The following CLCN6 variants were observed in gnomAD, a reference collection of about 807,000 sequenced individuals.
CLCN6 encodes H(+)/Cl(-) exchange transporter 6.
In CLCN6, 70 loss-of-function variants were observed where a neutral mutation model predicts 109.8. That is an observed-to-expected ratio of 0.64 (90% CI 0.53 to 0.78). The LOEUF is 0.78. Ranked by LOEUF, CLCN6 falls within the 30% of genes least tolerant of loss-of-function variation. CLCN6 has a pLI of 0.00. For synonymous variants in CLCN6, 444 were observed against 447.8 expected, an observed-to-expected ratio of 0.99 and a Z score of 0.11; for missense variants, 984 against 1,142.3, an observed-to-expected ratio of 0.86 and a Z score of 2.00.
intron 2 of CLCN6, among the ~76,000 whole-genome samples, chr1:11,813,178 A>G (rs1187201050): frequency 6.6e-6 from 1 of 152,174 alleles, no homozygotes; most frequent in Non-Finnish European, 1.5e-5. Context: ...TCCCCTGTGC[A>G]ATGCATGTTA....
intron 13 of CLCN6, 152 bp from the exon 14 acceptor site, chr1:11,833,363 G>A (rs1356486943): frequency 3.1e-5 from 20 of 642,946 alleles, no homozygotes; most frequent in Non-Finnish European, 4.7e-5. Context: ...ACACTTGCCC[G>A]TGTGGCTGCC....
At chr1:11,813,921 T>C (rs1406964575) in intron 2 of CLCN6, among the ~76,000 whole-genome samples, 1 of 152,224 alleles carries the variant, frequency 6.6e-6, no homozygotes, top group East Asian at 1.9e-4. Flanking sequence ...GCTGAATAAT[T>C]TTTGGAGATT....
Position 11,834,957 on chromosome 1 carries a change from A to T in CLCN6, c.1793+367A>T, listed in dbSNP as rs1448984924. 6.6e-6 allele frequency among the ~76,000 whole-genome samples: 1 copy of T among 152,204 alleles called. No individual in the cohort carries two copies. The highest frequency in any genetic ancestry group is 6.5e-5 in the Admixed American group (1 of 15,288). On this transcript the variant is annotated intron_variant, in intron 17 of 22. Coordinates refer to ENST00000346436, the MANE Select transcript of CLCN6 (RefSeq NM_001286.5). The surrounding 1 kb of genome is among the most constrained non-coding windows in gnomAD (Gnocchi z 4.5). ...GCCTGTTTCACATGTGCCCACCAGA[A>T]TGCCCTACTGCCAGCCGGGATTGTT...
intron 12 of CLCN6, 33 bp from the exon 13 acceptor site, chr1:11,829,163 G>A (rs767972300): frequency 6.2e-7 from 1 of 1,603,802 alleles, no homozygotes; most frequent in South Asian, 1.1e-5. Flanking sequence ...GCTTCTTTCT[G>A]TGGCGTTGTA....
At position 11,827,222 on chromosome 1, in the gene CLCN6, G is replaced by A. The variant is rs1233209409; in HGVS notation, c.840+1G>A. On this transcript the variant is annotated splice_donor_variant, in intron 10 of 22. Transcript: ENST00000346436. LOFTEE classifies it high-confidence loss of function. ...GAACCAAGGGCTCACGTGGAAAGTG[G>A]TGAGGAGGACCTTCAGTGAAAGCAT... 1.2e-6 allele frequency: 2 copies of A among 1,610,304 alleles called. No individual in the cohort carries two copies. The highest frequency in any genetic ancestry group is 1.7e-6 in the Non-Finnish European group (2 of 1,177,660).
At chr1:11,838,073 T>A (rs198408) in intron 20 of CLCN6, among the ~76,000 whole-genome samples, 64,896 of 152,002 alleles carry the variant, frequency 0.43, 14,488 homozygotes, top group African/African-American at 0.54. Context: ...TTAAACTTCC[T>A]AATAAGCCAT....
At chr1:11,829,726 G>A (rs376059189) in intron 13 of CLCN6, 101 of 100,444 alleles carry the variant, frequency 1.0e-3, no homozygotes, top group African/African-American at 1.5e-3. Context: ...ACCTGGGAAC[G>A]ACCCTGGCGT....
intron 13 of CLCN6, chr1:11,830,394 C>T (rs1394612595): frequency 1.3e-5 from 2 of 151,936 alleles, no homozygotes; most frequent in East Asian, 1.9e-4. Context: ...AAGAACAAGA[C>T]AACAGTAAAA....
intron 17 of CLCN6, among the ~76,000 whole-genome samples, chr1:11,835,307 C>T (rs918723711): frequency 2.6e-5 from 4 of 152,196 alleles, no homozygotes; most frequent in Non-Finnish European, 5.9e-5. Flanking sequence ...GGATCTCACT[C>T]TGTCGCCTAG....
chr1:11,834,068 G>A lies in CLCN6; in HGVS notation c.1526+38G>A. ...TGTGCGTGTGTGTGCGCATGTGCAT[G>A]TGTGTGCACGTGTGCGTGTGTATGC... On this transcript the variant is annotated intron_variant, in intron 15 of 22. Transcript: ENST00000346436. This position sits in a 1 kb window ranked among gnomAD's most constrained non-coding sequence, Gnocchi z 4.5. 1.2e-6 allele frequency: 2 copies of A among 1,605,070 alleles called. No homozygotes were observed. The highest frequency in any genetic ancestry group is 1.7e-6 in the Non-Finnish European group (2 of 1,175,108).
chr1:11,817,545 A>C (rs1644689350), intron 4 of CLCN6, among the ~76,000 whole-genome samples: 1 of 152,226 alleles, frequency 6.6e-6, no homozygotes. Context: ...AGGATAGCAA[A>C]AAGTCTGGAA....
intron 9 of CLCN6, 152 bp downstream of exon 9, chr1:11,826,366 TAAG>T: frequency 1.5e-6 from 1 of 656,158 alleles, no homozygotes; most frequent in South Asian, 1.9e-5. Context: ...CTTCTGGAAA[TAAG>T]AAGCCAAAGC....
chr1:11,830,582 C>A (rs952708874), intron 13 of CLCN6, among the ~76,000 whole-genome samples: 4 of 151,626 alleles, frequency 2.6e-5, no homozygotes, highest in African/African-American at 4.9e-5. Context: ...ATTTTGGTAT[C>A]CATCGGGATC....
intron 2 of CLCN6, among the ~76,000 whole-genome samples, chr1:11,807,560 TC>T (rs1323372769): frequency 6.6e-6 from 1 of 152,216 alleles, no homozygotes; most frequent in Non-Finnish European, 1.5e-5. Flanking sequence ...TTGCTTCTCT[TC>T]TAGGAGAGCT....
intron 11 of CLCN6, 80 bp downstream of exon 11, chr1:11,828,299 A>G (rs754280746): frequency 9.0e-6 from 13 of 1,451,426 alleles, no homozygotes; most frequent in Non-Finnish European, 1.3e-5. Context: ...GAGAGAAATG[A>G]GCAGAGGGCT....
intron 18 of CLCN6, among the ~76,000 whole-genome samples, chr1:11,836,495 A>G (rs1307860310): frequency 6.6e-6 from 1 of 152,180 alleles, no homozygotes; most frequent in East Asian, 1.9e-4. Context: ...AAGAGAAAGA[A>G]ATCCACAGGA....
rs1021335785 is a variant in CLCN6, at chr1:11,834,033, A to T, written c.1526+3A>T. The T allele has an allele frequency of 6.2e-7, 1 of 1,613,576 alleles. No individual in the cohort carries two copies. The highest frequency in any genetic ancestry group is 1.3e-5 in the African/African-American group (1 of 74,936). On this transcript the variant is annotated splice_donor_region_variant and intron_variant, in intron 15 of 22. Transcript: ENST00000346436. The surrounding 1 kb of genome is among the most constrained non-coding windows in gnomAD (Gnocchi z 4.5). ...TTAGTTGCCAATGTCCTAAAAAGGTACTCTGTGTGTGTGCGTGTGTGTGCG... is the reference window on the plus strand; with the variant it reads ...TTAGTTGCCAATGTCCTAAAAAGGTTCTCTGTGTGTGTGCGTGTGTGTGCG...
chr1:11,808,223 G>GTT (rs1483729566), intron 2 of CLCN6, among the ~76,000 whole-genome samples: 2 of 116,868 alleles, frequency 1.7e-5, no homozygotes, highest in Non-Finnish European at 3.5e-5. Context: ...ATGTGTGTGT[G>GTT]TGTTTGTGTG....
At chr1:11,838,916 C>T (rs955013044) in intron 22 of CLCN6, 8 of 719,294 alleles carry the variant, frequency 1.1e-5, no homozygotes, top group Non-Finnish European at 1.8e-5. Context: ...GTGTCTTCCT[C>T]CTGAAATGTT....
Sources: allele counts gnomAD v4.1 joint callset (sites outside exome capture counted in the v4.1 genomes callset), GRCh38; gene constraint gnomAD v4.1.1; non-coding constraint Gnocchi (gnomAD v3.1); transcripts MANE v1.5; gene names NCBI Gene and HGNC (gene_info 2026-07-23, HGNC 2026-07-21).